Variants in XYLT1 observed in about 807,000 individuals in gnomAD.
XYLT1 encodes xylosyltransferase 1.
In XYLT1, 36 loss-of-function variants were observed where a neutral mutation model predicts 91.3. The ratio of observed to expected loss-of-function variants is 0.39; its 90% CI spans 0.30 to 0.52. The LOEUF is 0.52. Among genes scored for constraint, XYLT1 ranks in the 20% least tolerant of loss-of-function variants. The pLI, the probability that XYLT1 is intolerant of heterozygous loss-of-function variation, is 0.68. For missense variants in XYLT1, 1,242 were observed against 1,284.5 expected (o/e 0.97, Z 0.51); for synonymous variants, 588 against 532.0 (o/e 1.11, Z -1.45).
chr16:17,390,314 G>A (rs1230268444), intron 1 of XYLT1, among the ~76,000 whole-genome samples: 1 of 152,200 alleles, frequency 6.6e-6, no homozygotes, highest in African/African-American at 2.4e-5. Flanking sequence ...GCAAGAACGA[G>A]GCAGACACAG....
At chr16:17,248,027 T>G (rs6498672) in intron 3 of XYLT1, among the ~76,000 whole-genome samples, 2 of 151,936 alleles carry the variant, frequency 1.3e-5, no homozygotes, top group Non-Finnish European at 2.9e-5. Context: ...GGGGCTGATA[T>G]AGTTTGGCTG....
At chr16:17,214,000 G>A (rs995548174) in intron 3 of XYLT1, among the ~76,000 whole-genome samples, 3 of 152,108 alleles carry the variant, frequency 2.0e-5, no homozygotes, top group African/African-American at 2.4e-5. Flanking sequence ...TTCTCAACAG[G>A]GACTACTGTC....
chr16:17,145,325 G>T (rs1032131346), intron 6 of XYLT1, among the ~76,000 whole-genome samples: 3 of 152,286 alleles, frequency 2.0e-5, no homozygotes, highest in African/African-American at 4.8e-5. Context: ...CTAGCACCAG[G>T]GGGTGGGAAC....
chr16:17,347,915 A>G (rs2035167006), intron 2 of XYLT1, among the ~76,000 whole-genome samples: 1 of 152,158 alleles, frequency 6.6e-6, no homozygotes, highest in Non-Finnish European at 1.5e-5. Flanking sequence ...TTCCTGGACC[A>G]CGGAGACAGT....
intron 1 of XYLT1, among the ~76,000 whole-genome samples, chr16:17,450,805 C>T (rs1300973936): frequency 6.6e-6 from 1 of 152,158 alleles, no homozygotes; most frequent in African/African-American, 2.4e-5. Flanking sequence ...CAGGCAGCCC[C>T]CATCTGCCAT....
intron 5 of XYLT1, among the ~76,000 whole-genome samples, chr16:17,165,225 T>C (rs1383977118): frequency 6.6e-6 from 1 of 152,238 alleles, no homozygotes; most frequent in African/African-American, 2.4e-5. Flanking sequence ...TTAATCCTCA[T>C]GACAACCCTA....
At chr16:17,204,755 A>G (rs1345396109) in intron 3 of XYLT1, among the ~76,000 whole-genome samples, 1 of 152,194 alleles carries the variant, frequency 6.6e-6, no homozygotes, top group Admixed American at 6.5e-5. Flanking sequence ...TGAGCTGAGA[A>G]TGGAGTGAGT....
At chr16:17,417,959 C>A (rs543145019) in intron 1 of XYLT1, among the ~76,000 whole-genome samples, 10 of 152,316 alleles carry the variant, frequency 6.6e-5, no homozygotes, top group East Asian at 3.9e-4. Context: ...TGAGCTCCCC[C>A]CAACAACCCT....
intron 2 of XYLT1, among the ~76,000 whole-genome samples, chr16:17,329,572 C>A (rs1462060958): frequency 1.3e-5 from 2 of 152,172 alleles, no homozygotes; most frequent in Non-Finnish European, 2.9e-5. Context: ...TCATATTCCA[C>A]AAGGCTGGTA....
At chr16:17,184,560 C>T (rs2032142046) in intron 5 of XYLT1, among the ~76,000 whole-genome samples, 1 of 152,104 alleles carries the variant, frequency 6.6e-6, no homozygotes, top group African/African-American at 2.4e-5. Flanking sequence ...AAATTAAAAT[C>T]ATATCAAATT....
At chr16:17,271,986 G>A (rs2033901527) in intron 2 of XYLT1, among the ~76,000 whole-genome samples, 1 of 152,148 alleles carries the variant, frequency 6.6e-6, no homozygotes, top group Non-Finnish European at 1.5e-5. Flanking sequence ...ACAGAGGGAG[G>A]AGGCTGGCTG....
intron 5 of XYLT1, among the ~76,000 whole-genome samples, chr16:17,175,453 G>A (rs1352821264): frequency 6.6e-6 from 1 of 152,188 alleles, no homozygotes; most frequent in Non-Finnish European, 1.5e-5. Flanking sequence ...AGAGGAAGAT[G>A]AACAGAGAGG....
chr16:17,457,723 C>G (rs1020600517), intron 1 of XYLT1, among the ~76,000 whole-genome samples: 20 of 152,214 alleles, frequency 1.3e-4, no homozygotes, highest in African/African-American at 4.6e-4. Flanking sequence ...TTCTCAGTGT[C>G]TTTCATAACA....
chr16:17,465,967 T>C (rs1405647589), intron 1 of XYLT1, among the ~76,000 whole-genome samples: 5 of 152,194 alleles, frequency 3.3e-5, no homozygotes, highest in South Asian at 4.2e-4. Context: ...AGCCAGGAGG[T>C]GAACCCAGGT....
At chr16:17,267,705 G>C (rs1003949157) in intron 2 of XYLT1, among the ~76,000 whole-genome samples, 1 of 152,152 alleles carries the variant, frequency 6.6e-6, no homozygotes, top group Non-Finnish European at 1.5e-5. Flanking sequence ...CACCACGCCC[G>C]GCCAAGACTG....
intron 2 of XYLT1, among the ~76,000 whole-genome samples, chr16:17,304,450 T>C (rs1390761804): frequency 2.0e-5 from 3 of 146,808 alleles, no homozygotes; most frequent in Non-Finnish European, 4.4e-5. Context: ...GGTATAAGCA[T>C]GCTGCGAAAA....
chr16:17,302,563 C>T (rs1158774899), intron 2 of XYLT1, among the ~76,000 whole-genome samples: 1 of 152,196 alleles, frequency 6.6e-6, no homozygotes, highest in East Asian at 1.9e-4. Context: ...TTGATGGCAG[C>T]CAGAAAGCTC....
At chr16:17,432,061 CCATCCAGTTTAT>C (rs1408694477) in intron 1 of XYLT1, among the ~76,000 whole-genome samples, 5 of 152,100 alleles carry the variant, frequency 3.3e-5, no homozygotes, top group African/African-American at 1.2e-4. Flanking sequence ...AACCTCTTCA[CCATCCAGTTTAT>C]AAGAAGATAA....
At chr16:17,359,786 G>C (rs1423478891) in intron 1 of XYLT1, among the ~76,000 whole-genome samples, 1 of 152,164 alleles carries the variant, frequency 6.6e-6, no homozygotes, top group Non-Finnish European at 1.5e-5. Context: ...CCTTCCCAGG[G>C]GTGAAGAAGT....
Sources: allele counts gnomAD v4.1 joint callset (sites outside exome capture counted in the v4.1 genomes callset), GRCh38; gene constraint gnomAD v4.1.1; transcripts MANE v1.5; gene names NCBI Gene and HGNC (gene_info 2026-07-23, HGNC 2026-07-21).